CACNA1C: variants seen among roughly 807,000 people sequenced by gnomAD.
The protein encoded by CACNA1C is calcium voltage-gated channel subunit alpha1 C.
CACNA1C carries 30 observed loss-of-function variants against 229.0 expected under a neutral mutation model. The observed-to-expected ratio is 0.13, with a 90% confidence interval of 0.10 to 0.18. The LOEUF is 0.18. CACNA1C is among the 10% of genes least tolerant of loss of function. The pLI is 1.00. For synonymous variants in CACNA1C, 1,114 were observed against 1,132.5 expected (o/e 0.98, Z 0.33); for missense variants, 1,658 against 2,845.0 (o/e 0.58, Z 9.49).
intron 1 of CACNA1C, among the ~76,000 whole-genome samples, chr12:2,102,331 T>G (rs978187724): frequency 4.6e-5 from 7 of 152,196 alleles, no homozygotes; most frequent in Admixed American, 6.5e-5. Flanking sequence ...TGCTGTTTCC[T>G]GCTCTCAAGG....
chr12:2,254,487 C>T (rs982763111), intron 3 of CACNA1C, among the ~76,000 whole-genome samples: 1 of 152,114 alleles, frequency 6.6e-6, no homozygotes, highest in Non-Finnish European at 1.5e-5. Context: ...GGTGTGGGCC[C>T]GGATTGCCCC....
At chr12:1,991,050 T>C in intron 1 of CACNA1C, 1 of 454,232 alleles carries the variant, frequency 2.2e-6, no homozygotes, top group Admixed American at 2.4e-5. Context: ...CACTCTTTGT[T>C]GTTCAACTGA....
intron 3 of CACNA1C, among the ~76,000 whole-genome samples, chr12:2,314,651 C>T (rs576555259): frequency 6.6e-6 from 1 of 152,274 alleles, no homozygotes; most frequent in Admixed American, 6.5e-5. Flanking sequence ...TTCATCCATG[C>T]CTGTAGTTTT....
chr12:2,219,827 A>G (rs1337484323), intron 3 of CACNA1C, among the ~76,000 whole-genome samples: 1 of 152,166 alleles, frequency 6.6e-6, no homozygotes, highest in Non-Finnish European at 1.5e-5. Context: ...TGGGAGAGTA[A>G]GGAAATACAA....
Position 2,677,992 on chromosome 12 carries a change from G to A in CACNA1C, c.5091+125G>A. 1.8e-6 allele frequency: 2 copies of A among 1,135,076 alleles called. No homozygotes were observed. Among genetic ancestry groups the A allele is most frequent in the Non-Finnish European group, 2.6e-6 (2 of 784,046 alleles). 70.3% of individuals were successfully genotyped at this position (1,135,076 alleles called of 1,614,324 possible). A position where few individuals can be genotyped will look rare whatever the true frequency, so the allele number is the denominator to read the frequency against. ...CACCAGAGGAAAGGGCTACTTCCAG[G>A]CTCTTCCTGATGAGCTGTCTCCTCA... On this transcript the variant is annotated intron_variant, in intron 41 of 46. Transcript: ENST00000399655. This position sits in a 1 kb window ranked among gnomAD's most constrained non-coding sequence, Gnocchi z 7.4.
intron 3 of CACNA1C, among the ~76,000 whole-genome samples, chr12:2,259,279 C>T (rs563977972): frequency 2.6e-5 from 4 of 152,300 alleles, no homozygotes; most frequent in Admixed American, 2.6e-4. Context: ...CTAACAAGCC[C>T]ACCAGGTTTT....
At chr12:1,991,589 A>C (rs996508840) in intron 1 of CACNA1C, 2 of 237,222 alleles carry the variant, frequency 8.4e-6, no homozygotes, top group African/African-American at 4.7e-5. Context: ...TGCCTGTTGG[A>C]CACTCACAGT....
chr12:2,298,446 G>T (rs764471389), intron 3 of CACNA1C, among the ~76,000 whole-genome samples: 2 of 152,116 alleles, frequency 1.3e-5, no homozygotes, highest in Admixed American at 6.5e-5. Context: ...TTACAGGCAC[G>T]CACCACCACA....
chr12:2,264,393 G>A (rs1375314643), intron 3 of CACNA1C, among the ~76,000 whole-genome samples: 2 of 152,210 alleles, frequency 1.3e-5, no homozygotes, highest in African/African-American at 4.8e-5. Flanking sequence ...CCTGCAGAAT[G>A]TCTGCACTGA....
At position 2,369,651 on chromosome 12, in the gene CACNA1C, G is replaced by A. The variant is rs562619565; in HGVS notation, c.478-79325G>A. On this transcript the variant is annotated intron_variant, in intron 3 of 46. Coordinates refer to ENST00000399655, the MANE Select transcript of CACNA1C (RefSeq NM_000719.7). The stretch of plus-strand genomic sequence containing the variant: ...ACTCCTGACCTCAGGTGATCCTCCC[G>A]CCTTGGCCTCCCAAAGTGCTGGGAT... 7.2e-5 allele frequency among the ~76,000 whole-genome samples: 11 copies of A among 152,130 alleles called. No individual in the cohort carries two copies. The East Asian group carries it at 1.4e-3, about 19-fold the overall frequency.
chr12:2,435,245 G>T (rs765088712), intron 3 of CACNA1C, among the ~76,000 whole-genome samples: 3 of 152,184 alleles, frequency 2.0e-5, no homozygotes, highest in Non-Finnish European at 4.4e-5. Context: ...CACACATCCT[G>T]ACCACCAGCC....
intron 1 of CACNA1C, among the ~76,000 whole-genome samples, chr12:2,065,213 G>C (rs993994497): frequency 6.6e-6 from 1 of 152,214 alleles, no homozygotes; most frequent in Non-Finnish European, 1.5e-5. Flanking sequence ...CAGTGACTCA[G>C]AGCTCATATT....
chr12:2,449,532 A>C (rs1389728067), intron 4 of CACNA1C, among the ~76,000 whole-genome samples: 1 of 150,936 alleles, frequency 6.6e-6, no homozygotes, highest in Non-Finnish European at 1.5e-5. Context: ...CTTCTGTGTT[A>C]TCTCTTTTCA....
In CACNA1C at chr12:2,692,665, A is replaced by T. The variant is rs1002188434; in HGVS notation, c.*1466A>T. 4.6e-5 allele frequency: 7 copies of T among 152,680 alleles called. No individual in the cohort carries two copies. Among genetic ancestry groups the T allele is most frequent in the African/African-American group, 1.2e-4 (5 of 41,452 alleles). The allele number at this position is 152,680 out of a possible 1,614,324, so 9.5% of individuals were successfully genotyped here. ...TGTGTTGGCATTAAAACTGTATTTT[A>T]AAAAAAGACAGAAATTTAAGGGAAA... is the stretch of plus-strand genomic sequence containing the variant. On this transcript the variant is annotated 3_prime_UTR_variant, in exon 47 of 47. Coordinates refer to ENST00000399655, the MANE Select transcript of CACNA1C (RefSeq NM_000719.7).
intron 1 of CACNA1C, among the ~76,000 whole-genome samples, chr12:2,038,915 C>CAAAA (rs141801846): frequency 7.1e-6 from 1 of 141,450 alleles, no homozygotes. Flanking sequence ...TAAATTTTGT[C>CAAAA]AAAAAAAAAA....
At chr12:2,501,839 C>T (rs2239095) in intron 7 of CACNA1C, among the ~76,000 whole-genome samples, 11,392 of 152,316 alleles carry the variant, frequency 0.075, 504 homozygotes, top group South Asian at 0.1. Flanking sequence ...CCTTTCACCC[C>T]GCCTCTCCTA....
In CACNA1C at chr12:2,101,513, C is replaced by T. The variant is rs1470245970; in HGVS notation, c.50-13711C>T. On this transcript the variant is annotated intron_variant, in intron 1 of 46. Transcript: ENST00000399655. ...CCTCACCGTGCAGAACAGAAATGCA[C>T]GCTCCGCCTCCCTGAGTGTCAGGCC... 2.6e-5 allele frequency among the ~76,000 whole-genome samples: 4 copies of T among 152,184 alleles called. No homozygotes were observed. The East Asian group carries it at 5.8e-4, about 22-fold the overall frequency.
At position 2,597,459 on chromosome 12, in the gene CACNA1C, T is replaced by C; in HGVS notation, c.2853+170T>C. 1.2e-6 allele frequency: 2 copies of C among 1,610,160 alleles called. No homozygotes were observed. The highest frequency in any genetic ancestry group is 1.7e-6 in the Non-Finnish European group (2 of 1,176,438). On this transcript the variant is annotated intron_variant, in intron 21 of 46. Transcript: ENST00000399655. This position sits in a 1 kb window ranked among gnomAD's most constrained non-coding sequence, Gnocchi z 4.3. ...CAGATCCTAGGCAATGCAGACTATG[T>C]CTTCACTAGTATCTTTACATTAGAA...
Position 2,506,600 on chromosome 12 carries a change from A to T in CACNA1C, c.1217+1655A>T, listed in dbSNP as rs571106997. On this transcript the variant is annotated intron_variant, in intron 8 of 46. Coordinates refer to ENST00000399655, the MANE Select transcript of CACNA1C (RefSeq NM_000719.7). ...TGGTGCCTGTTATAACTAGAAGTATAGAATCATCAAATATTAGACATGCTC... is the reference window on the plus strand; with the variant it reads ...TGGTGCCTGTTATAACTAGAAGTATTGAATCATCAAATATTAGACATGCTC... Among the ~76,000 whole-genome samples, 9 of 152,360 alleles carry T rather than the reference A, an allele frequency of 5.9e-5. No individual in the cohort carries two copies. The East Asian group carries it at 1.7e-3, about 29-fold the overall frequency.
Sources: allele counts gnomAD v4.1 joint callset (sites outside exome capture counted in the v4.1 genomes callset), GRCh38; gene constraint gnomAD v4.1.1; non-coding constraint Gnocchi (gnomAD v3.1); transcripts MANE v1.5; gene names NCBI Gene and HGNC (gene_info 2026-07-23, HGNC 2026-07-21).